The following SETD1B variants were observed in gnomAD, a reference collection of about 807,000 sequenced individuals.
SETD1B encodes the protein SET domain containing 1B, histone lysine methyltransferase.
SETD1B carries 7 observed loss-of-function variants against 148.0 expected under a neutral mutation model. The observed-to-expected ratio is 0.05, with a 90% confidence interval of 0.03 to 0.09. The LOEUF (loss-of-function observed/expected upper bound fraction) is 0.09. Among genes scored for constraint, SETD1B ranks in the 10% least tolerant of loss-of-function variants. SETD1B has a pLI of 1.00. For synonymous variants in SETD1B, 1,361 were observed against 1,186.5 expected (o/e 1.15, Z -3.02); for missense variants, 2,155 against 2,729.9 (o/e 0.79, Z 4.69).
Position 121,819,577 on chromosome 12 carries a change from G to A in SETD1B, c.3592G>A (p.Glu1198Lys), listed in dbSNP as rs777048615. 2.4e-5 allele frequency: 38 copies of A among 1,552,376 alleles called. No homozygotes were observed. Among genetic ancestry groups the A allele is most frequent in the South Asian group, 4.8e-5 (4 of 84,068 alleles). The change falls in exon 11 of 17, where the codon GAG becomes AAG. Residue 1198 changes from glutamate (E) to lysine (K), a missense_variant. Coordinates refer to ENST00000604567, the MANE Select transcript of SETD1B (RefSeq NM_001353345.2). The stretch of plus-strand genomic sequence containing the variant: ...AGAGGAGGAGGAGGAGATGGTGGCC[G>A]AGGAAAGCATGGCTTCTGCAGGCCC... ...EEEEEEEMVAEESMASAGPED... is the reference protein window; with the variant it reads ...EEEEEEEMVAKESMASAGPED...
rs1481187624 is a variant in SETD1B, at chr12:121,827,135, G to A, written c.5338-384G>A. ...GGGATGCTCCAAAGGTTAATGGCTG[G>A]GGCAGAGGCCCAGGGAGGCCAAGAG... On this transcript the variant is annotated intron_variant, in intron 13 of 16. Transcript: ENST00000604567. 2.6e-5 allele frequency among the ~76,000 whole-genome samples: 4 copies of A among 152,246 alleles called. No homozygotes were observed. The East Asian group carries it at 5.8e-4, about 22-fold the overall frequency.
At chr12:121,825,501 A>T in intron 13 of SETD1B, 135 bp downstream of exon 13, 5 of 542,188 alleles carry the variant, frequency 9.2e-6, no homozygotes, top group African/African-American at 2.0e-5. Flanking sequence ...GTGCAAGTGG[A>T]AGGGGAGAGG....
At chr12:121,816,053 C>T (rs572659782) in intron 7 of SETD1B, among the ~76,000 whole-genome samples, 1 of 152,042 alleles carries the variant, frequency 6.6e-6, no homozygotes, top group African/African-American at 2.4e-5. Flanking sequence ...GTCTCGAACT[C>T]CTGACCTCAA....
Position 121,817,473 on chromosome 12 carries a change from G to A in SETD1B, c.3081G>A (p.Leu1027=). ...VGVRRRPARP[L]ELDSGGEEDE... The stretch of plus-strand genomic sequence containing the variant: ...TGCGGCGGCGGCCGGCGCGGCCTCT[G>A]GAGCTGGACAGTGGTGGGGAGGAGG... The change falls in exon 9 of 17, where the codon CTG becomes CTA. Residue 1027 remains leucine, a synonymous_variant. Transcript: ENST00000604567. This position sits in a 1 kb window ranked among gnomAD's most constrained non-coding sequence, Gnocchi z 8.1. The A allele has an allele frequency of 6.5e-7, 1 of 1,549,664 alleles. No individual in the cohort carries two copies. Among genetic ancestry groups the A allele is most frequent in the Non-Finnish European group, 8.7e-7 (1 of 1,145,590 alleles).
chr12:121,804,928 C>G lies in SETD1B; in HGVS notation c.174+17C>G. On this transcript the variant is annotated intron_variant, in intron 2 of 16. Coordinates refer to ENST00000604567, the MANE Select transcript of SETD1B (RefSeq NM_001353345.2). This position sits in a 1 kb window ranked among gnomAD's most constrained non-coding sequence, Gnocchi z 4.6. ...AGCCTGGCGGTGAGTAGCCGGCGCG[C>G]CCCCCCAGCCGTGCCCCGCGTCGTG... The G allele has an allele frequency of 6.8e-7, 1 of 1,481,288 alleles. No homozygotes were observed. The highest frequency in any genetic ancestry group is 9.0e-7 in the Non-Finnish European group (1 of 1,112,274). The allele number at this position is 1,481,288 out of a possible 1,614,324, so 91.8% of individuals were successfully genotyped here.
chr12:121,818,655 C>T (rs1292121898), intron 10 of SETD1B, among the ~76,000 whole-genome samples: 1 of 151,920 alleles, frequency 6.6e-6, no homozygotes, highest in Non-Finnish European at 1.5e-5. Context: ...CTTTGGGAGG[C>T]CAAGGCAAGT....
At chr12:121,799,248 G>A (rs1345574379), upstream of SETD1B, 1 of 152,258 alleles carries the variant, frequency 6.6e-6, no homozygotes, top group Non-Finnish European at 1.5e-5. Flanking sequence ...TGGCTCGCCA[G>A]GTTTCAAATC....
chr12:121,823,434 C>T lies in SETD1B; in HGVS notation c.4855C>T (p.Pro1619Ser). The T allele has an allele frequency of 1.3e-6, 2 of 1,548,126 alleles. No homozygotes were observed. The highest frequency in any genetic ancestry group is 1.2e-5 in the South Asian group (1 of 83,956). Residue 1619 changes from proline (P) to serine (S), a missense_variant, in exon 12 of 17, where the codon CCT becomes TCT. Transcript: ENST00000604567. ...LDNQWPSEAI[P>S]PGPRGRDEVT... ...CAACCAGTGGCCCTCCGAGGCCATT[C>T]CTCCGGGCCCCCGTGGGCGCGATGA...
At position 121,808,792 on chromosome 12, in the gene SETD1B, G is replaced by A. The variant is rs972249278; in HGVS notation, c.657+472G>A. On this transcript the variant is annotated intron_variant, in intron 5 of 16. Coordinates refer to ENST00000604567, the MANE Select transcript of SETD1B (RefSeq NM_001353345.2). This position sits in a 1 kb window ranked among gnomAD's most constrained non-coding sequence, Gnocchi z 5.3. Reference sequence around the variant, plus strand: ...CTTCCAGGACACAGGGACAACTCTCGCGTGGGGCGAGTCTCATGCCAGCTC... The same window carrying A: ...CTTCCAGGACACAGGGACAACTCTCACGTGGGGCGAGTCTCATGCCAGCTC... Among the ~76,000 whole-genome samples, 6 of 152,202 alleles carry A rather than the reference G, an allele frequency of 3.9e-5. No homozygotes were observed. Among genetic ancestry groups the A allele is most frequent in the African/African-American group, 9.6e-5 (4 of 41,454 alleles).
Position 121,817,307 on chromosome 12 carries a change from G to C in SETD1B, c.2977+13G>C, listed in dbSNP as rs769205592. 43 of 1,546,718 alleles carry C rather than the reference G, an allele frequency of 2.8e-5. No homozygotes were observed. Among genetic ancestry groups the C allele is most frequent in the Non-Finnish European group, 3.2e-5 (37 of 1,144,180 alleles). On this transcript the variant is annotated intron_variant, in intron 8 of 16. Coordinates refer to ENST00000604567, the MANE Select transcript of SETD1B (RefSeq NM_001353345.2). The surrounding 1 kb of genome is among the most constrained non-coding windows in gnomAD (Gnocchi z 8.1). ...GAGGAAGATGAAGGTTCGTGCTCTGGGTGCTGGGGTCCCCTTCTTCCGCAT... is the reference window on the plus strand; with the variant it reads ...GAGGAAGATGAAGGTTCGTGCTCTGCGTGCTGGGGTCCCCTTCTTCCGCAT...
At chr12:121,797,483 G>T in the SETD1B span, 2 of 456,472 alleles carry the variant, frequency 4.4e-6, no homozygotes, top group Admixed American at 4.7e-5. Context: ...GGGGGACAAA[G>T]AAAGAAGAGG....
At chr12:121,829,345 C>CA (rs1385495685) in intron 16 of SETD1B, among the ~76,000 whole-genome samples, 3 of 152,186 alleles carry the variant, frequency 2.0e-5, no homozygotes, top group African/African-American at 7.2e-5. Flanking sequence ...GAGCAGTAGA[C>CA]ACAACCAAGA....
chr12:121,793,945 A>C, the SETD1B span: 4 of 267,000 alleles, frequency 1.5e-5, no homozygotes, highest in Non-Finnish European at 2.1e-5. Context: ...GCGAGACCCG[A>C]TCGTGGCTGC....
intron 6 of SETD1B, among the ~76,000 whole-genome samples, chr12:121,812,384 A>G: frequency 6.6e-6 from 1 of 152,058 alleles, no homozygotes; most frequent in East Asian, 1.9e-4. Context: ...TGCCTTTCTG[A>G]GTCTCAGTTT....
In SETD1B at chr12:121,822,546, C is replaced by G; in HGVS notation, c.3967C>G (p.Pro1323Ala). 6.4e-7 allele frequency: 1 copy of G among 1,551,018 alleles called. No individual in the cohort carries two copies. Among genetic ancestry groups the G allele is most frequent in the East Asian group, 2.4e-5 (1 of 40,910 alleles). ...TATGATGCTCCCCTTGCCGCTGCAA[C>G]CACCATTGCCGCCCCCACGACCACC... is the stretch of plus-strand genomic sequence containing the variant. ...PPMMLPLPLQ[P>A]PLPPPRPPRP... The change falls in exon 12 of 17, where the codon CCA (proline) becomes GCA (alanine). Residue 1323 changes from proline (P) to alanine (A), a missense_variant. This residue lies in a region of SETD1B where 862 missense variants were observed against 873.8 expected (regional missense o/e 0.99). Coordinates refer to ENST00000604567, the MANE Select transcript of SETD1B (RefSeq NM_001353345.2).
intron 6 of SETD1B, among the ~76,000 whole-genome samples, chr12:121,811,123 A>G (rs1256568297): frequency 6.6e-6 from 1 of 152,222 alleles, no homozygotes; most frequent in African/African-American, 2.4e-5. Flanking sequence ...TTTCCTAGGG[A>G]TAAATTCTGG....
chr12:121,827,471 C>T (rs1177204244), intron 13 of SETD1B, 48 bp from the exon 14 acceptor site: 2 of 1,488,418 alleles, frequency 1.3e-6, no homozygotes, highest in South Asian at 2.6e-5. Context: ...GGTGGGACCG[C>T]CGAGGACACG....
rs1230988905 is a variant in SETD1B at position 121,804,250 on chromosome 12, G to A, written c.-15+17G>A. On this transcript the variant is annotated intron_variant, in intron 1 of 16. Coordinates refer to ENST00000604567, the MANE Select transcript of SETD1B (RefSeq NM_001353345.2). The surrounding 1 kb of genome is among the most constrained non-coding windows in gnomAD (Gnocchi z 4.6). ...GGCGGGGATGTAAGCGCGGCTCGGG[G>A]AGGGAGAGGCCGCGGCCGGCAGCCG... 2 of 147,542 alleles carry A rather than the reference G, an allele frequency of 1.4e-5. No homozygotes were observed. The highest frequency in any genetic ancestry group is 3.0e-5 in the Non-Finnish European group (2 of 66,152). 9.1% of individuals were successfully genotyped at this position (147,542 alleles called of 1,614,324 possible). A position where few individuals can be genotyped will look rare whatever the true frequency, so the allele number is the denominator to read the frequency against.
chr12:121,802,293 A>T (rs749002373), upstream of SETD1B: 3 of 152,248 alleles, frequency 2.0e-5, no homozygotes, highest in Non-Finnish European at 4.4e-5. Flanking sequence ...AAAATTAAGG[A>T]CATCTCAGCA....
Sources: allele counts gnomAD v4.1 joint callset (sites outside exome capture counted in the v4.1 genomes callset), GRCh38; gene constraint gnomAD v4.1.1; regional missense constraint gnomAD v4.1.1; non-coding constraint Gnocchi (gnomAD v3.1); transcripts MANE v1.5; gene names NCBI Gene and HGNC (gene_info 2026-07-23, HGNC 2026-07-21).